Variants in PTPRT observed in about 807,000 individuals in gnomAD.
The protein encoded by PTPRT is protein tyrosine phosphatase receptor type T, also known as receptor-type tyrosine-protein phosphatase T.
Under a neutral mutation model 176.8 loss-of-function variants are expected in PTPRT, and 56 were observed. The ratio of observed to expected loss-of-function variants is 0.32; its 90% CI spans 0.26 to 0.40. PTPRT has a LOEUF of 0.40. Ranked by LOEUF, PTPRT falls within the 10% of genes least tolerant of loss-of-function variation. PTPRT has a pLI of 1.00. For synonymous variants in PTPRT, 783 were observed against 739.0 expected (o/e 1.06, Z -0.96); for missense variants, 1,540 against 1,908.2 (o/e 0.81, Z 3.60).
intron 1 of PTPRT, among the ~76,000 whole-genome samples, chr20:42,936,515 G>C (rs1337233894): frequency 6.6e-6 from 1 of 152,194 alleles, no homozygotes; most frequent in Non-Finnish European, 1.5e-5. Flanking sequence ...CTACTGGTGG[G>C]GGGTGGCCTG....
At chr20:42,699,496 CTTCT>C (rs2075941088) in intron 6 of PTPRT, among the ~76,000 whole-genome samples, 1 of 152,070 alleles carries the variant, frequency 6.6e-6, no homozygotes, top group African/African-American at 2.4e-5. Flanking sequence ...GACAGACTTC[CTTCT>C]ATCATAGTAA....
chr20:42,377,771 C>T (rs1435413021), intron 9 of PTPRT, among the ~76,000 whole-genome samples: 5 of 152,072 alleles, frequency 3.3e-5, no homozygotes, highest in African/African-American at 9.7e-5. Context: ...CTGTAAATTG[C>T]CTGTGGAAGA....
intron 12 of PTPRT, among the ~76,000 whole-genome samples, chr20:42,294,890 A>G (rs781341717): frequency 4.6e-5 from 7 of 152,152 alleles, no homozygotes; most frequent in Non-Finnish European, 2.9e-5. Flanking sequence ...CAGCAATTTA[A>G]TAAGGGGCAC....
At position 42,925,572 on chromosome 20, in the gene PTPRT, C is replaced by CA. The variant is rs1979430504; in HGVS notation, c.89-39641dup. Among the ~76,000 whole-genome samples the CA allele has an allele frequency of 3.3e-5, 5 of 152,256 alleles. No individual in the cohort carries two copies. The South Asian group carries it at 6.2e-4, about 19-fold the overall frequency. ...TCATGGATGCCCTGCCCACACACTA[C>CA]AAAAAATTCCATGAACCACCAGTAA... On this transcript the variant is annotated intron_variant, in intron 1 of 30. Transcript: ENST00000373187.
At chr20:42,634,769 T>C (rs2074556786) in intron 7 of PTPRT, among the ~76,000 whole-genome samples, 1 of 152,160 alleles carries the variant, frequency 6.6e-6, no homozygotes, top group Admixed American at 6.5e-5. Flanking sequence ...AAAATGTATA[T>C]ATGACCAGAC....
chr20:42,822,167 G>A (rs1312491872), intron 2 of PTPRT, among the ~76,000 whole-genome samples: 1 of 152,154 alleles, frequency 6.6e-6, no homozygotes, highest in Non-Finnish European at 1.5e-5. Context: ...CAAGGATACA[G>A]CAACCAAAAC....
chr20:43,146,724 G>A lies in PTPRT; in HGVS notation c.88+42922C>T, dbSNP rs547998005. 3.9e-5 allele frequency among the ~76,000 whole-genome samples: 6 copies of A among 152,238 alleles called. No homozygotes were observed. In the East Asian group the frequency reaches 9.6e-4, roughly 24 times the overall value. ...CTTGCATGGGCCCCTTTCAAAGCCC[G>A]GTGCTAATTTGGTATCTGAAATGCT... is the stretch of plus-strand genomic sequence containing the variant. On this transcript the variant is annotated intron_variant, in intron 1 of 30. Coordinates refer to ENST00000373187, the MANE Select transcript of PTPRT (RefSeq NM_007050.6).
rs2014326585 is a variant in PTPRT, at chr20:43,150,832, G to C, written c.88+38814C>G. On this transcript the variant is annotated intron_variant, in intron 1 of 30. Transcript: ENST00000373187. Reference sequence around the variant, plus strand: ...GTGACCCTAGGAGAAAACTGTTACAGAGTTGGTACAATGGAGTGTCCTGCC... The same window carrying C: ...GTGACCCTAGGAGAAAACTGTTACACAGTTGGTACAATGGAGTGTCCTGCC... Among the ~76,000 whole-genome samples the C allele has an allele frequency of 2.0e-5, 3 of 152,178 alleles. No individual in the cohort carries two copies. In the South Asian group the frequency reaches 6.2e-4, roughly 32 times the overall value.
intron 2 of PTPRT, among the ~76,000 whole-genome samples, chr20:42,801,690 T>C (rs905411235): frequency 1.3e-5 from 2 of 151,962 alleles, no homozygotes; most frequent in African/African-American, 4.8e-5. Context: ...GGGGAAGAAG[T>C]ATAAAAAGAA....
intron 9 of PTPRT, among the ~76,000 whole-genome samples, chr20:42,420,305 G>T (rs146579529): frequency 6.6e-6 from 1 of 152,204 alleles, no homozygotes; most frequent in African/African-American, 2.4e-5. Context: ...TGAGTTTGGG[G>T]TTATCATGAA....
chr20:42,096,136 C>A (rs1011205866), intron 27 of PTPRT, among the ~76,000 whole-genome samples: 1 of 152,176 alleles, frequency 6.6e-6, no homozygotes, highest in Non-Finnish European at 1.5e-5. Flanking sequence ...ACCTCCTGGC[C>A]ACTTCTGCAG....
At chr20:42,224,150 G>T (rs1004331941) in intron 15 of PTPRT, among the ~76,000 whole-genome samples, 11 of 152,166 alleles carry the variant, frequency 7.2e-5, no homozygotes, top group African/African-American at 2.7e-4. Context: ...TTAAGAAAGA[G>T]ATTTCATCAG....
At chr20:42,046,919 GGGC>G in the PTPRT span, among the ~76,000 whole-genome samples, 1 of 152,062 alleles carries the variant, frequency 6.6e-6, no homozygotes, top group Non-Finnish European at 1.5e-5. Context: ...ATGTCTTTGG[GGGC>G]TGCCATGACA....
intron 1 of PTPRT, among the ~76,000 whole-genome samples, chr20:43,069,794 G>T (rs1386805797): frequency 6.6e-6 from 1 of 152,166 alleles, no homozygotes; most frequent in African/African-American, 2.4e-5. Flanking sequence ...CCGTACTAAT[G>T]GGTTAGTCAT....
At chr20:42,170,700 G>C in intron 16 of PTPRT, among the ~76,000 whole-genome samples, 1 of 152,140 alleles carries the variant, frequency 6.6e-6, no homozygotes, top group East Asian at 1.9e-4. Context: ...GTTCATGTGT[G>C]AAGGGAACAA....
rs139282184 is a variant in PTPRT, at chr20:43,150,430, C to T, written c.88+39216G>A. Among the ~76,000 whole-genome samples the T allele has an allele frequency of 3.5e-4, 54 of 152,242 alleles. 1 individual carries two copies. The East Asian group carries it at 9.1e-3, about 26-fold the overall frequency. On this transcript the variant is annotated intron_variant, in intron 1 of 30. Coordinates refer to ENST00000373187, the MANE Select transcript of PTPRT (RefSeq NM_007050.6). ...GCTTTCCCAGCAGCTATAATCACAA[C>T]GGTTGTCACGACTTCCACAGGGTCT...
At chr20:42,382,275 G>A (rs532094968) in intron 9 of PTPRT, among the ~76,000 whole-genome samples, 2 of 152,306 alleles carry the variant, frequency 1.3e-5, no homozygotes, top group African/African-American at 4.8e-5. Context: ...TGGACTCTGG[G>A]CCTGAGCTAG....
At chr20:43,179,098 A>G (rs2015187068) in intron 1 of PTPRT, among the ~76,000 whole-genome samples, 1 of 152,246 alleles carries the variant, frequency 6.6e-6, no homozygotes, top group Non-Finnish European at 1.5e-5. Context: ...CAGAAGTCCA[A>G]TGTCTGGTCA....
chr20:42,479,229 GAGTTGCCTGT>G (rs1159232188), intron 7 of PTPRT, among the ~76,000 whole-genome samples: 1 of 152,228 alleles, frequency 6.6e-6, no homozygotes, highest in Non-Finnish European at 1.5e-5. Flanking sequence ...TTTGCATGTG[GAGTTGCCTGT>G]AGCATATGTA....
Sources: gnomAD v4.1 joint callset for allele counts (sites outside exome capture counted in the v4.1 genomes callset) on GRCh38, gnomAD v4.1.1 for gene constraint, MANE v1.5 for transcripts, NCBI Gene and HGNC (gene_info 2026-07-23, HGNC 2026-07-21) for gene names.